The following FRAS1 variants were observed in gnomAD, a reference collection of about 807,000 sequenced individuals.
FRAS1 encodes Fraser extracellular matrix complex subunit 1.
FRAS1 carries 290 observed loss-of-function variants against 435.2 expected under a neutral mutation model. The observed-to-expected ratio is 0.67, with a 90% CI of 0.61 to 0.73. FRAS1 has a LOEUF of 0.73. Among genes scored for constraint, FRAS1 ranks in the 30% least tolerant of loss-of-function variants. FRAS1 has a pLI of 0.00. For synonymous variants in FRAS1, 1,800 were observed against 1,851.0 expected (o/e 0.97, Z 0.71); for missense variants, 4,860 against 5,001.5 (o/e 0.97, Z 0.85).
At chr4:78,237,941 G>T (rs994717967) in intron 3 of FRAS1, among the ~76,000 whole-genome samples, 10 of 152,134 alleles carry the variant, frequency 6.6e-5, no homozygotes, top group African/African-American at 1.9e-4. Flanking sequence ...GATGAGGAAT[G>T]TGAAGCCTGG....
intron 61 of FRAS1, among the ~76,000 whole-genome samples, chr4:78,505,479 A>G (rs1004359208): frequency 2.0e-5 from 3 of 151,856 alleles, no homozygotes; most frequent in African/African-American, 7.3e-5. Flanking sequence ...CATTAATTTG[A>G]TCTTCAATCA....
intron 9 of FRAS1, among the ~76,000 whole-genome samples, chr4:78,277,978 A>T (rs1018519862): frequency 1.3e-5 from 2 of 151,896 alleles, no homozygotes; most frequent in East Asian, 1.9e-4. Flanking sequence ...CCCCCAGCAA[A>T]TTTTTTGTAT....
At chr4:78,524,701 G>T (rs896107661) in intron 69 of FRAS1, among the ~76,000 whole-genome samples, 18 of 152,124 alleles carry the variant, frequency 1.2e-4, no homozygotes, top group Non-Finnish European at 2.2e-4. Context: ...TGTCAGAGAA[G>T]GTTCTGGGCA....
intron 2 of FRAS1, among the ~76,000 whole-genome samples, chr4:78,114,575 A>T (rs895844506): frequency 1.3e-5 from 2 of 152,006 alleles, no homozygotes; most frequent in Non-Finnish European, 2.9e-5. Context: ...TAGGTATTTT[A>T]TTCTCTCTGA....
intron 2 of FRAS1, among the ~76,000 whole-genome samples, chr4:78,073,219 G>T (rs1224549549): frequency 6.6e-6 from 1 of 152,118 alleles, no homozygotes; most frequent in Non-Finnish European, 1.5e-5. Context: ...GAATTTATAT[G>T]TTCTTAGAAT....
intron 6 of FRAS1, chr4:78,264,794 T>C (rs1726271002): frequency 1.7e-6 from 1 of 596,008 alleles, no homozygotes; most frequent in Admixed American, 2.5e-5. Context: ...TTTCTTTGTT[T>C]TTAAAATAAG....
chr4:78,357,140 C>T (rs901936204), intron 20 of FRAS1, among the ~76,000 whole-genome samples: 2 of 152,230 alleles, frequency 1.3e-5, no homozygotes, highest in African/African-American at 4.8e-5. Flanking sequence ...CTGCCCTGCT[C>T]CTGTTGCAGC....
At chr4:78,249,048 G>GCATATATATATGCATATATATATATGCAT (rs1553934018) in intron 4 of FRAS1, among the ~76,000 whole-genome samples, 8 of 27,532 alleles carry the variant, frequency 2.9e-4, no homozygotes, top group Admixed American at 2.0e-3. Flanking sequence ...AAGAACTACT[G>GCATATATATATGCATATATATATATGCAT]ATATATATAT....
At chr4:78,197,338 C>T (rs1009583903) in intron 2 of FRAS1, among the ~76,000 whole-genome samples, 14 of 152,154 alleles carry the variant, frequency 9.2e-5, no homozygotes, top group African/African-American at 3.4e-4. Flanking sequence ...ACAAACAGTT[C>T]AAAGGATTGT....
Position 78,429,190 on chromosome 4 carries a change from C to A in FRAS1, c.4807C>A (p.Arg1603=). The change falls in exon 36 of 74, where the codon CGG becomes AGG. Residue 1603 remains arginine, a synonymous_variant. Transcript: ENST00000512123. ...QLPVFQVTAP[R]LAVSPGGSTS... ...GCCAGTGTTCCAGGTCACAGCTCCACGGCTGGCGGTCAGCCCAGGAGGCAG... is the reference window on the plus strand; with the variant it reads ...GCCAGTGTTCCAGGTCACAGCTCCAAGGCTGGCGGTCAGCCCAGGAGGCAG... 1 of 1,605,946 alleles carries A rather than the reference C, an allele frequency of 6.2e-7. No individual in the cohort carries two copies.
intron 32 of FRAS1, among the ~76,000 whole-genome samples, chr4:78,418,151 C>G (rs773792074): frequency 4.3e-4 from 66 of 152,214 alleles, no homozygotes; most frequent in Non-Finnish European, 7.9e-4. Flanking sequence ...AACATTGCCT[C>G]ATTCATTCAC....
intron 49 of FRAS1, 27 bp from the exon 50 acceptor site, chr4:78,466,181 C>G (rs749023666): frequency 6.3e-7 from 1 of 1,599,070 alleles, no homozygotes. Context: ...AGCTTCCCTC[C>G]CCTCTGGTAT....
At chr4:78,438,441 G>A (rs1245338460) in intron 38 of FRAS1, 129 bp from the exon 39 acceptor site, 2 of 854,886 alleles carry the variant, frequency 2.3e-6, no homozygotes, top group African/African-American at 3.5e-5. Context: ...AAGAGAAAGA[G>A]ACTTTAAGAC....
chr4:78,463,243 A>G (rs551487770), intron 47 of FRAS1, among the ~76,000 whole-genome samples: 35 of 152,166 alleles, frequency 2.3e-4, no homozygotes, highest in Non-Finnish European at 4.7e-4. Flanking sequence ...CATTTGTGGG[A>G]TAGTTTACCA....
chr4:78,151,351 TGTGCCAGTCATG>T (rs148490837), intron 2 of FRAS1, among the ~76,000 whole-genome samples: 5,697 of 152,214 alleles, frequency 0.037, 349 homozygotes, highest in African/African-American at 0.13. Flanking sequence ...GCATCTACCA[TGTGCCAGTCATG>T]GTTCTTGGTC....
intron 23 of FRAS1, among the ~76,000 whole-genome samples, chr4:78,372,319 T>C (rs1455767374): frequency 6.6e-6 from 1 of 152,170 alleles, no homozygotes; most frequent in Non-Finnish European, 1.5e-5. Flanking sequence ...TCTTTACCTA[T>C]TGAGCATTGA....
intron 61 of FRAS1, among the ~76,000 whole-genome samples, chr4:78,507,135 AT>A (rs1720870618): frequency 6.6e-6 from 1 of 152,160 alleles, no homozygotes; most frequent in East Asian, 1.9e-4. Context: ...TGGATCGTAG[AT>A]TTTTATTACT....
intron 15 of FRAS1, among the ~76,000 whole-genome samples, chr4:78,308,808 A>G (rs1728898626): frequency 6.6e-6 from 1 of 152,212 alleles, no homozygotes; most frequent in Non-Finnish European, 1.5e-5. Context: ...GGCTTTCGGC[A>G]CATTAGTCAA....
intron 2 of FRAS1, among the ~76,000 whole-genome samples, chr4:78,118,579 G>T (rs1718806082): frequency 6.6e-6 from 1 of 152,208 alleles, no homozygotes; most frequent in South Asian, 2.1e-4. Flanking sequence ...TGCTGTGCTA[G>T]CAATGAGCGA....
Sources: gnomAD v4.1 joint callset for allele counts (sites outside exome capture counted in the v4.1 genomes callset) on GRCh38, gnomAD v4.1.1 for gene constraint, MANE v1.5 for transcripts, NCBI Gene and HGNC (gene_info 2026-07-23, HGNC 2026-07-21) for gene names.